Variants in PDXK observed in about 807,000 individuals in gnomAD.
The protein encoded by PDXK is epididymis secretory sperm binding protein Li 1a.
PDXK carries 15 observed loss-of-function variants against 43.2 expected under a neutral mutation model. The observed-to-expected ratio is 0.35, with a 90% CI of 0.23 to 0.53. The LOEUF (loss-of-function observed/expected upper bound fraction) is 0.53. Among genes scored for constraint, PDXK ranks in the 20% least tolerant of loss-of-function variants. PDXK has a pLI of 0.92. For synonymous variants in PDXK, 172 were observed against 165.4 expected, an observed-to-expected ratio of 1.04 and a Z score of -0.31; for missense variants, 343 against 417.0, an observed-to-expected ratio of 0.82 and a Z score of 1.54.
Position 43,719,333 on chromosome 21 carries a change from C to A in PDXK, c.39C>A (p.His13Gln). 1 of 1,524,606 alleles carries A rather than the reference C, an allele frequency of 6.6e-7. No homozygotes were observed. The highest frequency in any genetic ancestry group is 8.8e-7 in the Non-Finnish European group (1 of 1,137,338). The allele number at this position is 1,524,606 out of a possible 1,614,324, so 94.4% of individuals were successfully genotyped here. A position where few individuals can be genotyped will look rare whatever the true frequency, so the allele number is the denominator to read the frequency against. ...EECRVLSIQS[H>Q]VIRGYVGNRA... ...GCCGGGTGCTCTCCATACAGAGCCACGTCATCCGCGGCTACGTGGGCAACC... is the reference window on the plus strand; with the variant it reads ...GCCGGGTGCTCTCCATACAGAGCCAAGTCATCCGCGGCTACGTGGGCAACC... The change falls in exon 1 of 11, where the codon CAC becomes CAA. Residue 13 changes from histidine to glutamine, a missense_variant. Coordinates refer to ENST00000291565, the MANE Select transcript of PDXK (RefSeq NM_003681.5).
chr21:43,719,262 C>G lies in PDXK; in HGVS notation c.-33C>G, dbSNP rs959211590. 3.8e-6 allele frequency: 5 copies of G among 1,329,872 alleles called. No homozygotes were observed. The highest frequency in any genetic ancestry group is 3.9e-6 in the Non-Finnish European group (4 of 1,013,658). The allele number at this position is 1,329,872 out of a possible 1,614,324, so 82.4% of individuals were successfully genotyped here. A position where few individuals can be genotyped will look rare whatever the true frequency, so the allele number is the denominator to read the frequency against. Reference sequence around the variant, plus strand: ...GCGAGCGGCGGAGACCGTGCCCCCGCCTCGGCCCCGCGCCGCCGCGGCCAG... The same window carrying G: ...GCGAGCGGCGGAGACCGTGCCCCCGGCTCGGCCCCGCGCCGCCGCGGCCAG... On this transcript the variant is annotated 5_prime_UTR_variant, in exon 1 of 11. Coordinates refer to ENST00000291565, the MANE Select transcript of PDXK (RefSeq NM_003681.5).
intron 6 of PDXK, 32 bp from the exon 7 acceptor site, chr21:43,750,467 GT>G: frequency 3.1e-6 from 5 of 1,588,310 alleles, no homozygotes; most frequent in Non-Finnish European, 4.3e-6. Flanking sequence ...AGGCTCACCT[GT>G]CCCCACCCGC....
rs186460526 is a variant in PDXK at position 43,730,541 on chromosome 21, G to A, written c.88-3528G>A. On this transcript the variant is annotated intron_variant, in intron 1 of 10. Coordinates refer to ENST00000291565, the MANE Select transcript of PDXK (RefSeq NM_003681.5). ...AGAGCTGTGCAGCAGCCTCTGTCAT[G>A]TAGCGTTCTTCCCTCCAGACACAAT... 2.5e-3 allele frequency among the ~76,000 whole-genome samples: 380 copies of A among 152,346 alleles called. 1 individual carries two copies. Among genetic ancestry groups the A allele is most frequent in the Middle Eastern group, 6.8e-3 (2 of 294 alleles).
chr21:43,743,680 G>A (rs1412965439), intron 3 of PDXK, 44 bp from the exon 4 acceptor site: 1 of 1,328,370 alleles, frequency 7.5e-7, no homozygotes, highest in Admixed American at 1.7e-5. Flanking sequence ...TGATCGTGGT[G>A]AGTCTCCTGT....
At chr21:43,753,874 G>A (rs2083800283) in intron 9 of PDXK, among the ~76,000 whole-genome samples, 155 bp downstream of exon 9, 1 of 152,226 alleles carries the variant, frequency 6.6e-6, no homozygotes, top group South Asian at 2.1e-4. Flanking sequence ...GCCAGGCCAT[G>A]ACAGGAGTTG....
In PDXK at chr21:43,719,250, A is replaced by G. The variant is rs1455795074; in HGVS notation, c.-45A>G. On this transcript the variant is annotated 5_prime_UTR_variant, in exon 1 of 11. Transcript: ENST00000291565. ...GCCGGAGCCCGAGCGAGCGGCGGAGACCGTGCCCCCGCCTCGGCCCCGCGC... is the reference window on the plus strand; with the variant it reads ...GCCGGAGCCCGAGCGAGCGGCGGAGGCCGTGCCCCCGCCTCGGCCCCGCGC... 2 of 1,173,712 alleles carry G rather than the reference A, an allele frequency of 1.7e-6. No individual in the cohort carries two copies. Among genetic ancestry groups the G allele is most frequent in the Non-Finnish European group, 2.2e-6 (2 of 890,312 alleles). The allele number at this position is 1,173,712 out of a possible 1,614,324, so 72.7% of individuals were successfully genotyped here. A position where few individuals can be genotyped will look rare whatever the true frequency, so the allele number is the denominator to read the frequency against.
At chr21:43,744,298 C>G (rs1011346298) in intron 4 of PDXK, among the ~76,000 whole-genome samples, 1 of 152,186 alleles carries the variant, frequency 6.6e-6, no homozygotes, top group Non-Finnish European at 1.5e-5. Flanking sequence ...CTGCCTTGAT[C>G]GGTCTTTCGT....
intron 8 of PDXK, 131 bp downstream of exon 8, chr21:43,752,760 C>A (rs1480788062): frequency 3.2e-6 from 2 of 619,806 alleles, no homozygotes; most frequent in Non-Finnish European, 5.8e-6. Context: ...ATGACACCCC[C>A]ATTTTACAGA....
At chr21:43,755,925 C>T in intron 10 of PDXK, 26 bp from the exon 11 acceptor site, 3 of 1,563,332 alleles carry the variant, frequency 1.9e-6, no homozygotes, top group Admixed American at 1.7e-5. Flanking sequence ...GAGATGGGAA[C>T]TCAGTGCTCT....
intron 7 of PDXK, among the ~76,000 whole-genome samples, chr21:43,752,251 A>T (rs1237936573): frequency 6.6e-6 from 1 of 152,100 alleles, no homozygotes; most frequent in Non-Finnish European, 1.5e-5. Context: ...CCATCTGTCC[A>T]CCCCCCAAGG....
rs745893841 is a variant in PDXK, at chr21:43,753,587, T to C, written c.627T>C (p.Asn209=). The change falls in exon 9 of 11, where the codon AAT becomes AAC. Residue 209 remains asparagine (N), a synonymous_variant. Coordinates refer to ENST00000291565, the MANE Select transcript of PDXK (RefSeq NM_003681.5). ...LIVLGSQRRR[N]PAGSVVMERI... ...TTGCCCATCTTCTCCCCCTAGGGAA[T>C]CCCGCTGGCTCCGTGGTGATGGAAC... 3.1e-6 allele frequency: 5 copies of C among 1,610,674 alleles called. No homozygotes were observed. The East Asian group carries it at 1.1e-4, about 36-fold the overall frequency.
intron 1 of PDXK, among the ~76,000 whole-genome samples, chr21:43,724,679 A>C (rs1356445472): frequency 1.4e-5 from 2 of 145,558 alleles, no homozygotes; most frequent in Non-Finnish European, 3.0e-5. Flanking sequence ...CCAGCTCTAC[A>C]AGAAAAAAAA....
chr21:43,719,834 C>G, intron 1 of PDXK: 1 of 985,450 alleles, frequency 1.0e-6, no homozygotes, highest in South Asian at 4.7e-5. Flanking sequence ...TCGAGACGCT[C>G]GCGCGCTCAC....
rs1017456596 is a variant in PDXK, at chr21:43,762,100, C to G, written c.*6037C>G. 1 of 153,576 alleles carries G rather than the reference C, an allele frequency of 6.5e-6. No individual in the cohort carries two copies. The highest frequency in any genetic ancestry group is 2.4e-5 in the African/African-American group (1 of 41,468). 9.5% of individuals were successfully genotyped at this position (153,576 alleles called of 1,614,324 possible). The stretch of plus-strand genomic sequence containing the variant: ...TCTTCGGAGGCATCAAAGCACCTGT[C>G]GCCTCCGTGGTCCCCCTGCTGAGGG... On this transcript the variant is annotated 3_prime_UTR_variant, in exon 11 of 11. Coordinates refer to ENST00000291565, the MANE Select transcript of PDXK (RefSeq NM_003681.5).
rs1223486545 is a variant in PDXK at position 43,723,157 on chromosome 21, CT to C, written c.87+3790del. ...CCTGGCCTTCTTTTTCTTTTTCTTT[CT>C]TTTTTTTTTTTTTGAGACGAGGGTC... is the stretch of plus-strand genomic sequence containing the variant. On this transcript the variant is annotated intron_variant, in intron 1 of 10. Transcript: ENST00000291565. The surrounding 1 kb of genome is among the most constrained non-coding windows in gnomAD (Gnocchi z 4.1). Among the ~76,000 whole-genome samples, 664 of 136,344 alleles carry C rather than the reference CT, an allele frequency of 4.9e-3. 4 individuals carry two copies. Among genetic ancestry groups the C allele is most frequent in the African/African-American group, 0.011 (388 of 34,872 alleles). 89.4% of individuals were successfully genotyped at this position (136,344 alleles called of 152,430 possible).
chr21:43,750,874 A>G (rs965797392), intron 7 of PDXK, among the ~76,000 whole-genome samples: 1 of 149,144 alleles, frequency 6.7e-6, no homozygotes, highest in African/African-American at 2.5e-5. Context: ...GTCTGTGTGC[A>G]TGTGTGTCCA....
Position 43,758,540 on chromosome 21 carries a change from G to C in PDXK, c.*2477G>C, listed in dbSNP as rs368855271. ...CCCTGTCCACGGCCCGTTTCCACCC[G>C]GGCATGTTCGTCTCTCCTGACTTCG... On this transcript the variant is annotated 3_prime_UTR_variant, in exon 11 of 11. Transcript: ENST00000291565. The C allele has an allele frequency of 6.5e-6, 1 of 153,558 alleles. No individual in the cohort carries two copies. Among genetic ancestry groups the C allele is most frequent in the East Asian group, 1.9e-4 (1 of 5,188 alleles). The allele number at this position is 153,558 out of a possible 1,614,324, so 9.5% of individuals were successfully genotyped here.
Position 43,737,973 on chromosome 21 carries a change from CTGT to C in PDXK, c.143-3692_143-3690del. On this transcript the variant is annotated intron_variant, in intron 2 of 10. Transcript: ENST00000291565. This position sits in a 1 kb window ranked among gnomAD's most constrained non-coding sequence, Gnocchi z 4.8. ...ACCAAGAGGTGCAAGACCATGCCCT[CTGT>C]TTCGATAGGAAGCTGGGCCTCAGAG... The C allele has an allele frequency of 1.0e-6, 1 of 985,522 alleles. No individual in the cohort carries two copies. The highest frequency in any genetic ancestry group is 1.7e-5 in the African/African-American group (1 of 57,384). 61.0% of individuals were successfully genotyped at this position (985,522 alleles called of 1,614,324 possible). A position where few individuals can be genotyped will look rare whatever the true frequency, so the allele number is the denominator to read the frequency against.
At chr21:43,743,974 C>T (rs1180077746) in intron 4 of PDXK, among the ~76,000 whole-genome samples, 167 bp downstream of exon 4, 1 of 152,248 alleles carries the variant, frequency 6.6e-6, no homozygotes, top group Non-Finnish European at 1.5e-5. Flanking sequence ...AGATGTTGGC[C>T]TGCTGAAGTC....
Sources: gnomAD v4.1 joint callset for allele counts (sites outside exome capture counted in the v4.1 genomes callset) on GRCh38, gnomAD v4.1.1 for gene constraint, Gnocchi (gnomAD v3.1) non-coding constraint, MANE v1.5 for transcripts, NCBI Gene and HGNC (gene_info 2026-07-23, HGNC 2026-07-21) for gene names.